Variants in ADGRB3 observed in about 807,000 individuals in gnomAD.
ADGRB3 encodes adhesion G protein-coupled receptor B3.
Under a neutral mutation model 193.4 loss-of-function variants are expected in ADGRB3, and 37 were observed. The observed-to-expected ratio is 0.19, with a 90% CI of 0.15 to 0.25. The LOEUF (loss-of-function observed/expected upper bound fraction) is 0.25. Ranked by LOEUF, ADGRB3 falls within the 10% of genes least tolerant of loss-of-function variation. The probability of loss-of-function intolerance (pLI) is 1.00; values close to 1 mark genes in which losing one functional copy is unlikely to be tolerated. For missense variants in ADGRB3, 1,637 were observed against 1,852.9 expected, an observed-to-expected ratio of 0.88 and a Z score of 2.14; for synonymous variants, 690 against 644.2, an observed-to-expected ratio of 1.07 and a Z score of -1.08.
intron 3 of ADGRB3, among the ~76,000 whole-genome samples, chr6:68,792,294 C>T (rs1392931661): frequency 6.6e-6 from 1 of 152,144 alleles, no homozygotes; most frequent in Non-Finnish European, 1.5e-5. Context: ...ATGACACTAA[C>T]CTAAAAGTAG....
rs528239428 is a variant in ADGRB3 at position 69,332,955 on chromosome 6, T to C, written c.3135T>C (p.Asn1045=). ...VNMVIGILVF[N]KLVSRDGILD... ...TGGTGATTGGCATTTTGGTATTTAA[T>C]AAACTTGTTTCCAGAGATGGAATCC... The change falls in exon 24 of 32, where the codon AAT becomes AAC. Residue 1045 remains asparagine, a synonymous_variant. Coordinates refer to ENST00000370598, the MANE Select transcript of ADGRB3 (RefSeq NM_001704.3). 3.2e-5 allele frequency: 52 copies of C among 1,613,908 alleles called. No individual in the cohort carries two copies. In the South Asian group the frequency reaches 5.4e-4, roughly 17 times the overall value.
At position 68,799,229 on chromosome 6, in the gene ADGRB3, T is replaced by C. The variant is rs544473725; in HGVS notation, c.758-131330T>C. On this transcript the variant is annotated intron_variant, in intron 3 of 31. Transcript: ENST00000370598. ...CTCACAAGCATAAACAACATTACACTGTAACAGTGCCATAAGGAAGGGAAG... is the reference window on the plus strand; with the variant it reads ...CTCACAAGCATAAACAACATTACACCGTAACAGTGCCATAAGGAAGGGAAG... 1.3e-3 allele frequency among the ~76,000 whole-genome samples: 198 copies of C among 152,162 alleles called. No individual in the cohort carries two copies. In the Middle Eastern group the frequency reaches 0.014, roughly 10 times the overall value.
At chr6:68,677,974 A>G (rs1764797243) in intron 3 of ADGRB3, among the ~76,000 whole-genome samples, 1 of 152,146 alleles carries the variant, frequency 6.6e-6, no homozygotes. Flanking sequence ...TTGATGAGAT[A>G]TCACCCTGTA....
intron 8 of ADGRB3, among the ~76,000 whole-genome samples, chr6:68,971,239 A>G (rs927864876): frequency 6.6e-6 from 1 of 152,242 alleles, no homozygotes; most frequent in African/African-American, 2.4e-5. Flanking sequence ...TTTCCTAAAC[A>G]ATACAGTATA....
intron 3 of ADGRB3, among the ~76,000 whole-genome samples, chr6:68,718,190 A>G (rs561893998): frequency 6.6e-6 from 1 of 151,752 alleles, no homozygotes; most frequent in East Asian, 2.0e-4. Flanking sequence ...GTTTTAAAAA[A>G]CCATGGATGT....
chr6:68,772,837 G>T (rs1444046974), intron 3 of ADGRB3, among the ~76,000 whole-genome samples: 1 of 132,704 alleles, frequency 7.5e-6, no homozygotes, highest in Non-Finnish European at 1.6e-5. Flanking sequence ...GGGCAACATG[G>T]TGAAAACCTA....
At chr6:69,189,126 G>T (rs1765131260) in intron 17 of ADGRB3, among the ~76,000 whole-genome samples, 2 of 152,026 alleles carry the variant, frequency 1.3e-5, no homozygotes, top group African/African-American at 4.8e-5. Context: ...CAAACACTTA[G>T]AAATGAAAAC....
intron 10 of ADGRB3, among the ~76,000 whole-genome samples, chr6:68,979,626 A>G (rs1768850055): frequency 6.6e-6 from 1 of 151,480 alleles, no homozygotes; most frequent in African/African-American, 2.4e-5. Flanking sequence ...GATACTCTGG[A>G]GTATTTTTTG....
chr6:69,376,615 A>G (rs965759511), intron 30 of ADGRB3, among the ~76,000 whole-genome samples: 1 of 152,078 alleles, frequency 6.6e-6, no homozygotes, highest in Non-Finnish European at 1.5e-5. Flanking sequence ...ATCATTTTAT[A>G]TTAACTCAAT....
intron 30 of ADGRB3, 59 bp downstream of exon 30, chr6:69,372,500 G>T: frequency 1.1e-6 from 1 of 931,188 alleles, no homozygotes; most frequent in Non-Finnish European, 1.5e-6. Flanking sequence ...TAGATATATA[G>T]TTACTTAAAA....
At chr6:69,345,796 G>C (rs1230867878) in intron 26 of ADGRB3, among the ~76,000 whole-genome samples, 1 of 152,152 alleles carries the variant, frequency 6.6e-6, no homozygotes, top group Non-Finnish European at 1.5e-5. Context: ...ATTCAAACAG[G>C]AAGAGAGGAA....
At chr6:69,038,976 G>T (rs1770952376) in intron 13 of ADGRB3, among the ~76,000 whole-genome samples, 1 of 152,130 alleles carries the variant, frequency 6.6e-6, no homozygotes, top group Non-Finnish European at 1.5e-5. Context: ...GTAGCATGAT[G>T]AAATTTCATG....
chr6:69,147,413 G>A (rs1052352145), intron 17 of ADGRB3, among the ~76,000 whole-genome samples: 2 of 152,172 alleles, frequency 1.3e-5, no homozygotes, highest in Non-Finnish European at 2.9e-5. Flanking sequence ...CTGGTCATTC[G>A]GGAACATATC....
At chr6:69,347,822 T>C (rs1769134465) in intron 26 of ADGRB3, among the ~76,000 whole-genome samples, 1 of 151,686 alleles carries the variant, frequency 6.6e-6, no homozygotes, top group Admixed American at 6.6e-5. Context: ...TACCTTGAAA[T>C]GGGATAATGT....
intron 4 of ADGRB3, among the ~76,000 whole-genome samples, chr6:68,936,062 C>T (rs1035316134): frequency 4.6e-5 from 7 of 152,154 alleles, no homozygotes; most frequent in African/African-American, 1.7e-4. Context: ...CAGGTTTCCA[C>T]ATCATCTAGC....
At chr6:69,063,301 C>A (rs1459778888) in intron 16 of ADGRB3, among the ~76,000 whole-genome samples, 1 of 151,732 alleles carries the variant, frequency 6.6e-6, no homozygotes, top group East Asian at 1.9e-4. Context: ...TGATAAAATT[C>A]TCTTCAATTT....
intron 17 of ADGRB3, among the ~76,000 whole-genome samples, chr6:69,100,933 G>A (rs1178103249): frequency 2.3e-4 from 2 of 8,652 alleles, no homozygotes; most frequent in African/African-American, 5.8e-4. Context: ...AAGGAGGGAG[G>A]GAGGGAAGGA....
At chr6:69,242,405 G>A (rs927596845) in intron 20 of ADGRB3, among the ~76,000 whole-genome samples, 5 of 151,828 alleles carry the variant, frequency 3.3e-5, no homozygotes, top group Admixed American at 6.6e-5. Context: ...ATAAACATCC[G>A]AGAGAGCTTT....
chr6:69,012,760 A>G (rs1445513305), intron 11 of ADGRB3, among the ~76,000 whole-genome samples: 2 of 152,104 alleles, frequency 1.3e-5, no homozygotes, highest in East Asian at 1.9e-4. Context: ...GCTTCAAACC[A>G]CAAGAGAAGA....
Sources: allele counts gnomAD v4.1 joint callset (sites outside exome capture counted in the v4.1 genomes callset), GRCh38; gene constraint gnomAD v4.1.1; transcripts MANE v1.5; gene names NCBI Gene and HGNC (gene_info 2026-07-23, HGNC 2026-07-21).